The following NOL4L variants were observed in gnomAD, a reference collection of about 807,000 sequenced individuals.
The protein encoded by NOL4L is nucleolar protein 4-like.
Under a neutral mutation model 64.5 loss-of-function variants are expected in NOL4L, and 7 were observed. That is an observed-to-expected ratio of 0.11 (90% confidence interval 0.06 to 0.20). NOL4L has a LOEUF of 0.20. Ranked by LOEUF, NOL4L falls within the 10% of genes least tolerant of loss-of-function variation. The pLI is 1.00. For synonymous variants in NOL4L, 413 were observed against 401.0 expected (o/e 1.03, Z -0.36); for missense variants, 680 against 967.1 (o/e 0.70, Z 3.94).
chr20:32,482,692 G>A (rs1030240803), intron 4 of NOL4L, among the ~76,000 whole-genome samples: 1 of 151,716 alleles, frequency 6.6e-6, no homozygotes, highest in African/African-American at 2.4e-5. Flanking sequence ...CGGTGCACCT[G>A]AGAGGGACAC....
intron 1 of NOL4L, among the ~76,000 whole-genome samples, chr20:32,578,388 G>A (rs7267720): frequency 0.52 from 79,023 of 151,858 alleles, 24,480 homozygotes; most frequent in East Asian, 0.94. Context: ...GCCTAGCCTC[G>A]TTCTCTGTTT....
chr20:32,448,813 C>T (rs2012578278), intron 10 of NOL4L, among the ~76,000 whole-genome samples: 1 of 152,230 alleles, frequency 6.6e-6, no homozygotes, highest in African/African-American at 2.4e-5. Flanking sequence ...CCAAGAAGCT[C>T]CTGGCTTTGG....
At chr20:32,488,805 T>TTC (rs56182517) in intron 4 of NOL4L, among the ~76,000 whole-genome samples, 2,898 of 29,936 alleles carry the variant, frequency 0.097, 435 homozygotes, top group East Asian at 0.31. Context: ...CTTTCTTTCT[T>TTC]TTTCTTTCTT....
At chr20:32,583,777 C>T (rs1394902505) in intron 1 of NOL4L, among the ~76,000 whole-genome samples, 1 of 150,094 alleles carries the variant, frequency 6.7e-6, no homozygotes, top group African/African-American at 2.4e-5. Flanking sequence ...CCCGCCTCCT[C>T]CCTTTAGGCG....
At chr20:32,557,005 A>G (rs6141319) in intron 1 of NOL4L, among the ~76,000 whole-genome samples, 81,380 of 152,156 alleles carry the variant, frequency 0.53, 26,213 homozygotes, top group East Asian at 0.99. Flanking sequence ...AAATCCAGCC[A>G]TGTGATTGTG....
chr20:32,509,899 AAC>A (rs1470310363), intron 4 of NOL4L: 7 of 1,304,140 alleles, frequency 5.4e-6, no homozygotes, highest in African/African-American at 1.5e-5. Flanking sequence ...GCACGGTGAT[AAC>A]AGTGTTTACG....
rs771119815 is a variant in NOL4L, at chr20:32,452,844, G to A, written c.1620+40C>T. 1.5e-5 allele frequency: 24 copies of A among 1,610,030 alleles called. No homozygotes were observed. The South Asian group carries it at 2.5e-4, about 17-fold the overall frequency. On this transcript the variant is annotated intron_variant, in intron 9 of 10. Transcript: ENST00000621426. The stretch of plus-strand genomic sequence containing the variant: ...CATATAAGGCCTGCCCTCCCTGGCT[G>A]CCCAGGAGCGGCCCCTGTAGTGGCT...
chr20:32,466,554 C>T (rs2014574260), intron 5 of NOL4L, among the ~76,000 whole-genome samples: 1 of 151,370 alleles, frequency 6.6e-6, no homozygotes, highest in Non-Finnish European at 1.5e-5. Context: ...CCCCAGCTCT[C>T]TGCTCCTGGG....
intron 4 of NOL4L, among the ~76,000 whole-genome samples, chr20:32,475,516 C>G (rs1175709707): frequency 6.6e-6 from 1 of 152,252 alleles, no homozygotes; most frequent in East Asian, 1.9e-4. Context: ...TTCGGGCCGG[C>G]CCTTGGCCAG....
intron 1 of NOL4L, among the ~76,000 whole-genome samples, chr20:32,582,875 G>C (rs1000117786): frequency 2.0e-5 from 3 of 152,128 alleles, no homozygotes; most frequent in African/African-American, 7.2e-5. Context: ...GGTGGGGAGG[G>C]CTGACCCATA....
At chr20:32,481,545 G>A (rs941321615) in intron 4 of NOL4L, among the ~76,000 whole-genome samples, 4 of 152,192 alleles carry the variant, frequency 2.6e-5, no homozygotes, top group Non-Finnish European at 5.9e-5. Flanking sequence ...GAGGAAGGCC[G>A]TCTTCTCAGC....
intron 1 of NOL4L, among the ~76,000 whole-genome samples, chr20:32,541,370 A>G (rs2018652594): frequency 6.6e-6 from 1 of 152,218 alleles, no homozygotes; most frequent in Non-Finnish European, 1.5e-5. Context: ...TCATGCTACT[A>G]GCAGGCACTG....
chr20:32,473,896 C>T (rs1034997522), intron 5 of NOL4L, among the ~76,000 whole-genome samples: 4 of 152,226 alleles, frequency 2.6e-5, no homozygotes, highest in African/African-American at 9.6e-5. Flanking sequence ...CACCTCACAA[C>T]CCTGGCACAC....
At chr20:32,528,480 G>A (rs1197549407) in intron 1 of NOL4L, among the ~76,000 whole-genome samples, 1 of 152,246 alleles carries the variant, frequency 6.6e-6, no homozygotes, top group African/African-American at 2.4e-5. Context: ...TTTGTGTGTG[G>A]AGATGTACAG....
At chr20:32,461,156 A>G (rs2014007414) in intron 5 of NOL4L, among the ~76,000 whole-genome samples, 1 of 152,222 alleles carries the variant, frequency 6.6e-6, no homozygotes, top group Non-Finnish European at 1.5e-5. Context: ...TGCCGGCTGC[A>G]GCCGCAAGGG....
Position 32,453,507 on chromosome 20 carries a change from C to T in NOL4L, c.1306-12G>A, listed in dbSNP as rs762496029. 39 of 1,613,396 alleles carry T rather than the reference C, an allele frequency of 2.4e-5. No individual in the cohort carries two copies. The highest frequency in any genetic ancestry group is 2.2e-4 in the East Asian group (10 of 44,874). ...AGACGCACAAACATCTGTGGAGACACGGGCCATGGGAAGGGCTGGCCCTGG... is the reference window on the plus strand; with the variant it reads ...AGACGCACAAACATCTGTGGAGACATGGGCCATGGGAAGGGCTGGCCCTGG... On this transcript the variant is annotated splice_polypyrimidine_tract_variant and intron_variant, in intron 7 of 10. Coordinates refer to ENST00000621426, the MANE Select transcript of NOL4L (RefSeq NM_001256798.2). The surrounding 1 kb of genome is among the most constrained non-coding windows in gnomAD (Gnocchi z 5.6).
In NOL4L at chr20:32,447,517, C is replaced by CAACT. The variant is rs1015464818; in HGVS notation, c.*75_*78dup. On this transcript the variant is annotated 3_prime_UTR_variant, in exon 11 of 11. Transcript: ENST00000621426. ...CACCTCTTTCAAAAACAAAATGTAC[C>CAACT]AACTGGTGAGGCAGGAAGCCAGGTC... 2 of 1,491,028 alleles carry CAACT rather than the reference C, an allele frequency of 1.3e-6. No individual in the cohort carries two copies. Among genetic ancestry groups the CAACT allele is most frequent in the African/African-American group, 2.8e-5 (2 of 71,264 alleles). The allele number at this position is 1,491,028 out of a possible 1,614,324, so 92.4% of individuals were successfully genotyped here.
At chr20:32,584,527 C>T (rs1935833340) in intron 1 of NOL4L, 43 bp downstream of exon 1, 4 of 1,288,366 alleles carry the variant, frequency 3.1e-6, no homozygotes, top group Admixed American at 8.4e-5. Flanking sequence ...CTGCCCCAAG[C>T]CCCGCGGCGG....
At chr20:32,561,349 C>T (rs911530633) in intron 1 of NOL4L, among the ~76,000 whole-genome samples, 2 of 152,182 alleles carry the variant, frequency 1.3e-5, no homozygotes, top group African/African-American at 2.4e-5. Context: ...GGAAAAATCC[C>T]GACGCTGGAA....
Sources: allele counts gnomAD v4.1 joint callset (sites outside exome capture counted in the v4.1 genomes callset), GRCh38; gene constraint gnomAD v4.1.1; non-coding constraint Gnocchi (gnomAD v3.1); transcripts MANE v1.5; gene names NCBI Gene and HGNC (gene_info 2026-07-23, HGNC 2026-07-21).